The following PCDH15 variants were observed in gnomAD, a reference collection of about 807,000 sequenced individuals.
The protein encoded by PCDH15 is protocadherin-15.
PCDH15 carries 129 observed loss-of-function variants against 178.5 expected under a neutral mutation model. The ratio of observed to expected loss-of-function variants is 0.72; its 90% CI spans 0.63 to 0.84. The LOEUF is 0.84. Among genes scored for constraint, PCDH15 ranks in the 40% least tolerant of loss-of-function variants. The pLI, the probability that PCDH15 is intolerant of heterozygous loss-of-function variation, is 0.00. For synonymous variants in PCDH15, 800 were observed against 732.0 expected, an observed-to-expected ratio of 1.09 and a Z score of -1.50; for missense variants, 2,230 against 2,099.9, an observed-to-expected ratio of 1.06 and a Z score of -1.21.
chr10:55,259,892 A>T (rs1842103069), intron 1 of PCDH15, among the ~76,000 whole-genome samples: 1 of 106,906 alleles, frequency 9.4e-6, no homozygotes, highest in Non-Finnish European at 1.8e-5. Context: ...ACAAGAGCAA[A>T]ACTCCGTCTC....
chr10:54,612,792 C>G (rs75221432), intron 2 of PCDH15, among the ~76,000 whole-genome samples: 15,878 of 151,600 alleles, frequency 0.1, 973 homozygotes, highest in Middle Eastern at 0.16. Context: ...CAGTATAAAA[C>G]CTATTGGAAT....
At chr10:54,559,029 C>T (rs77924153) in intron 2 of PCDH15, among the ~76,000 whole-genome samples, 3,101 of 152,080 alleles carry the variant, frequency 0.02, 87 homozygotes, top group African/African-American at 0.069. Context: ...GCGCAGGTTC[C>T]TCATGAATTT....
At chr10:54,539,791 CAA>C (rs781189136) in intron 2 of PCDH15, among the ~76,000 whole-genome samples, 1 of 152,064 alleles carries the variant, frequency 6.6e-6, no homozygotes, top group Non-Finnish European at 1.5e-5. Context: ...TCAAAGAAAT[CAA>C]AGTTATACCA....
At chr10:54,499,398 C>T (rs982812760) in intron 3 of PCDH15, among the ~76,000 whole-genome samples, 5 of 152,150 alleles carry the variant, frequency 3.3e-5, no homozygotes, top group African/African-American at 1.2e-4. Flanking sequence ...AGAATGTACT[C>T]TAAGATCAAC....
At chr10:53,882,618 C>T (rs2080808413) in intron 26 of PCDH15, among the ~76,000 whole-genome samples, 1 of 152,172 alleles carries the variant, frequency 6.6e-6, no homozygotes, top group African/African-American at 2.4e-5. Context: ...CCACCTCAGC[C>T]TCCCAAAGTG....
At chr10:54,351,229 A>G (rs1391537417) in intron 5 of PCDH15, among the ~76,000 whole-genome samples, 1 of 152,210 alleles carries the variant, frequency 6.6e-6, no homozygotes, top group Admixed American at 6.5e-5. Flanking sequence ...ATAACTCTTT[A>G]ATGCTATATC....
chr10:54,621,772 G>A (rs570708980), intron 2 of PCDH15, among the ~76,000 whole-genome samples: 108 of 151,924 alleles, frequency 7.1e-4, no homozygotes, highest in Non-Finnish European at 1.3e-3. Flanking sequence ...ACAGAGTCAC[G>A]CAGAAAATAA....
intron 30 of PCDH15, among the ~76,000 whole-genome samples, chr10:53,829,280 T>G (rs1484373495): frequency 1.1e-4 from 16 of 152,188 alleles, no homozygotes; most frequent in Non-Finnish European, 1.9e-4. Flanking sequence ...TTGAGCTGAT[T>G]ATCAAACTAA....
chr10:54,505,905 T>C (rs1489633502), intron 3 of PCDH15, among the ~76,000 whole-genome samples: 2 of 152,160 alleles, frequency 1.3e-5, no homozygotes, highest in Non-Finnish European at 2.9e-5. Flanking sequence ...AAATGATCAG[T>C]GATATGGTAG....
intron 2 of PCDH15, among the ~76,000 whole-genome samples, chr10:54,975,963 G>A (rs796229359): frequency 2.0e-5 from 3 of 152,158 alleles, no homozygotes; most frequent in African/African-American, 7.2e-5. Flanking sequence ...TCCTTAAGTT[G>A]AAGTGTAGTG....
intron 20 of PCDH15, among the ~76,000 whole-genome samples, chr10:54,016,543 T>C (rs907062401): frequency 1.3e-5 from 2 of 152,180 alleles, no homozygotes; most frequent in African/African-American, 4.8e-5. Context: ...GGAATAACTA[T>C]GCAGCCATAA....
At chr10:55,599,064 G>A (rs959124252) in intron 2 of PCDH15, among the ~76,000 whole-genome samples, 1 of 152,118 alleles carries the variant, frequency 6.6e-6, no homozygotes, top group African/African-American at 2.4e-5. Context: ...AGTACCGTAA[G>A]GGAACAATGA....
At chr10:54,364,409 T>C (rs941328707) in intron 5 of PCDH15, among the ~76,000 whole-genome samples, 2 of 152,156 alleles carry the variant, frequency 1.3e-5, no homozygotes, top group African/African-American at 4.8e-5. Flanking sequence ...AATTGTTTGA[T>C]GATTAGAAAA....
At chr10:54,949,714 C>T (rs1838286998) in intron 2 of PCDH15, among the ~76,000 whole-genome samples, 1 of 151,982 alleles carries the variant, frequency 6.6e-6, no homozygotes, top group South Asian at 2.1e-4. Context: ...CTCTTGAATG[C>T]TTTGCTGCCT....
intron 3 of PCDH15, among the ~76,000 whole-genome samples, chr10:54,476,592 C>T (rs1383860232): frequency 6.6e-6 from 1 of 151,892 alleles, no homozygotes; most frequent in Non-Finnish European, 1.5e-5. Flanking sequence ...GGTTATAATC[C>T]AAAGAAGTTT....
chr10:55,472,293 A>G (rs1435996643), intron 2 of PCDH15, among the ~76,000 whole-genome samples: 1 of 152,146 alleles, frequency 6.6e-6, no homozygotes, highest in Non-Finnish European at 1.5e-5. Context: ...ATTTCTCTAC[A>G]GTGCCAATTA....
intron 2 of PCDH15, among the ~76,000 whole-genome samples, chr10:54,550,632 A>G (rs1236908624): frequency 1.3e-5 from 2 of 152,164 alleles, no homozygotes; most frequent in Non-Finnish European, 2.9e-5. Flanking sequence ...GCAAAGACAA[A>G]TTGCTTTCTA....
At chr10:54,295,883 G>A (rs1045040931) in intron 8 of PCDH15, among the ~76,000 whole-genome samples, 5 of 151,316 alleles carry the variant, frequency 3.3e-5, no homozygotes, top group South Asian at 2.1e-4. Flanking sequence ...GGTGGCTCAC[G>A]CCTGTAATCC....
intron 2 of PCDH15, among the ~76,000 whole-genome samples, chr10:55,353,293 T>C (rs529558973): frequency 6.6e-6 from 1 of 152,240 alleles, no homozygotes; most frequent in East Asian, 1.9e-4. Context: ...TGATTCTTAT[T>C]TTGATTAATA....
Sources: allele counts gnomAD v4.1 joint callset (sites outside exome capture counted in the v4.1 genomes callset), GRCh38; gene constraint gnomAD v4.1.1; transcripts MANE v1.5; gene names NCBI Gene and HGNC (gene_info 2026-07-23, HGNC 2026-07-21).